Variants in CDC123 observed in about 807,000 individuals in gnomAD.
The protein encoded by CDC123 is cell division cycle 123.
In CDC123, 37 loss-of-function variants were observed where a neutral mutation model predicts 54.4. The observed-to-expected ratio is 0.68, with a 90% confidence interval of 0.52 to 0.89. CDC123 has a LOEUF of 0.89. CDC123 is among the 40% of genes least tolerant of loss of function. The probability of loss-of-function intolerance (pLI) is 0.00; values close to 1 mark genes in which losing one functional copy is unlikely to be tolerated. For synonymous variants in CDC123, 144 were observed against 136.8 expected, an observed-to-expected ratio of 1.05 and a Z score of -0.37; for missense variants, 361 against 412.1, an observed-to-expected ratio of 0.88 and a Z score of 1.07.
chr10:12,225,870 A>G (rs1370736898), intron 6 of CDC123, among the ~76,000 whole-genome samples: 1 of 150,634 alleles, frequency 6.6e-6, no homozygotes, highest in Admixed American at 6.6e-5. Context: ...AAACATGTGA[A>G]CAAGGGTCTC....
intron 10 of CDC123, among the ~76,000 whole-genome samples, chr10:12,243,818 T>C (rs1315211271): frequency 1.3e-5 from 2 of 151,614 alleles, no homozygotes; most frequent in African/African-American, 4.8e-5. Flanking sequence ...GTAGAAAAGA[T>C]TTGGAGGTTA....
In CDC123 at chr10:12,235,124, G is replaced by A. The variant is rs1304147256; in HGVS notation, c.565+1G>A. The A allele has an allele frequency of 1.2e-6, 2 of 1,609,700 alleles. No individual in the cohort carries two copies. The highest frequency in any genetic ancestry group is 1.4e-5 in the African/African-American group (1 of 73,488). On this transcript the variant is annotated splice_donor_variant, in intron 8 of 12. Coordinates refer to ENST00000281141, the MANE Select transcript of CDC123 (RefSeq NM_006023.3). LOFTEE classifies it high-confidence loss of function. ...TTTGTCAAGGAAAACAAGCTTATTG[G>A]TGAGTTTTTGTTTGTTTGTTTGTTT...
intron 10 of CDC123, among the ~76,000 whole-genome samples, chr10:12,241,702 CTTTT>C (rs1278793361): frequency 1.3e-5 from 2 of 151,888 alleles, no homozygotes; most frequent in Non-Finnish European, 2.9e-5. Flanking sequence ...TTTGTTTGTT[CTTTT>C]GTTTGTGAGA....
chr10:12,211,649 G>A (rs1024000621), intron 4 of CDC123, among the ~76,000 whole-genome samples: 3 of 152,208 alleles, frequency 2.0e-5, no homozygotes, highest in African/African-American at 7.2e-5. Context: ...ACCATTAGGG[G>A]TTTGTAAACC....
intron 10 of CDC123, among the ~76,000 whole-genome samples, chr10:12,239,581 G>T (rs1003564248): frequency 6.6e-6 from 1 of 152,008 alleles, no homozygotes; most frequent in Admixed American, 6.6e-5. Flanking sequence ...GCATGGTGGC[G>T]CATGCCACCT....
intron 6 of CDC123, among the ~76,000 whole-genome samples, chr10:12,229,213 A>G (rs1835867454): frequency 6.6e-6 from 1 of 152,230 alleles, no homozygotes. Context: ...ATAGTGATAT[A>G]GATGCGTTTT....
chr10:12,237,281 A>G lies in CDC123; in HGVS notation c.688+15A>G. The G allele has an allele frequency of 6.5e-7, 1 of 1,530,468 alleles. No homozygotes were observed. Among genetic ancestry groups the G allele is most frequent in the Non-Finnish European group, 8.7e-7 (1 of 1,144,572 alleles). The allele number at this position is 1,530,468 out of a possible 1,614,324, so 94.8% of individuals were successfully genotyped here. A position where few individuals can be genotyped will look rare whatever the true frequency, so the allele number is the denominator to read the frequency against. On this transcript the variant is annotated intron_variant, in intron 9 of 12. Coordinates refer to ENST00000281141, the MANE Select transcript of CDC123 (RefSeq NM_006023.3). ...AGATGAAGACTGTGAGTATTTTTTT[A>G]TTGATCCAGTAAAATGAAATGAAAT...
chr10:12,235,105 A>G lies in CDC123; in HGVS notation c.547A>G (p.Lys183Glu). 6.2e-7 allele frequency: 1 copy of G among 1,613,552 alleles called. No homozygotes were observed. The highest frequency in any genetic ancestry group is 8.5e-7 in the Non-Finnish European group (1 of 1,179,550). ...TGGGGCTGAGTTTCGATGTTTTGTC[A>G]AGGAAAACAAGCTTATTGGTGAGTT... ...IPGAEFRCFV[K>E]ENKLIGISQR... is the part of the protein sequence containing the mutation. Residue 183 changes from lysine to glutamate, a missense_variant, in exon 8 of 13, where the codon AAG becomes GAG. Lys to Glu is a moderately conservative substitution (Grantham distance 56). Coordinates refer to ENST00000281141, the MANE Select transcript of CDC123 (RefSeq NM_006023.3).
chr10:12,239,176 T>C (rs933770737), intron 10 of CDC123, among the ~76,000 whole-genome samples: 1 of 151,810 alleles, frequency 6.6e-6, no homozygotes, highest in African/African-American at 2.4e-5. Context: ...TTTTTTTTTT[T>C]CTCACATCAA....
chr10:12,209,201 T>C (rs1835562618), intron 2 of CDC123, among the ~76,000 whole-genome samples: 1 of 152,214 alleles, frequency 6.6e-6, no homozygotes. Flanking sequence ...AAAGGTTTTA[T>C]TCTGTCATCT....
At chr10:12,242,864 C>T (rs1836077937) in intron 10 of CDC123, among the ~76,000 whole-genome samples, 1 of 151,932 alleles carries the variant, frequency 6.6e-6, no homozygotes, top group African/African-American at 2.4e-5. Context: ...ACCACTTGAG[C>T]CCAGGAGGAG....
chr10:12,242,399 T>C (rs1262706736), intron 10 of CDC123, among the ~76,000 whole-genome samples: 1 of 152,212 alleles, frequency 6.6e-6, no homozygotes, highest in Non-Finnish European at 1.5e-5. Context: ...CATTGTTGGA[T>C]GGCTTTTGGT....
intron 11 of CDC123, chr10:12,246,496 T>G: frequency 2.3e-6 from 1 of 442,024 alleles, no homozygotes; most frequent in South Asian, 3.6e-5. Flanking sequence ...ATCAGTTTTT[T>G]TAGTTCTTTT....
intron 2 of CDC123, among the ~76,000 whole-genome samples, chr10:12,202,701 C>T (rs957675968): frequency 3.9e-5 from 6 of 152,204 alleles, no homozygotes; most frequent in Non-Finnish European, 7.3e-5. Flanking sequence ...ACATTTACTT[C>T]GGTTTACCGG....
chr10:12,204,671 C>T (rs1454102606), intron 2 of CDC123, among the ~76,000 whole-genome samples: 1 of 152,082 alleles, frequency 6.6e-6, no homozygotes, highest in African/African-American at 2.4e-5. Flanking sequence ...TTATTATTGA[C>T]TATAGTCACT....
rs779431973 is a variant in CDC123 at position 12,196,330 on chromosome 10, A to T, written c.74+11A>T. On this transcript the variant is annotated intron_variant, in intron 1 of 12. Coordinates refer to ENST00000281141, the MANE Select transcript of CDC123 (RefSeq NM_006023.3). Reference sequence around the variant, plus strand: ...CGTTACCATCAAGAGGTGAGATGGGAGGGGGTTCGCCCGGTCGACCGGCAA... The same window carrying T: ...CGTTACCATCAAGAGGTGAGATGGGTGGGGGTTCGCCCGGTCGACCGGCAA... 4 of 1,196,682 alleles carry T rather than the reference A, an allele frequency of 3.3e-6. No individual in the cohort carries two copies. In the Admixed American group the frequency reaches 6.1e-5, roughly 18 times the overall value. 74.1% of individuals were successfully genotyped at this position (1,196,682 alleles called of 1,614,324 possible). A position where few individuals can be genotyped will look rare whatever the true frequency, so the allele number is the denominator to read the frequency against.
At chr10:12,210,235 A>G (rs1835579351) in intron 3 of CDC123, 55 bp from the exon 4 acceptor site, 9 of 1,589,516 alleles carry the variant, frequency 5.7e-6, no homozygotes, top group Admixed American at 5.4e-5. Context: ...TGCTTTTTGA[A>G]GCCCAGTGCA....
At chr10:12,232,406 A>G (rs769890634) in intron 7 of CDC123, among the ~76,000 whole-genome samples, 14 of 152,074 alleles carry the variant, frequency 9.2e-5, no homozygotes, top group South Asian at 2.1e-4. Context: ...ACTTTTTTAT[A>G]TATGTACACA....
intron 6 of CDC123, among the ~76,000 whole-genome samples, chr10:12,226,012 C>T (rs1201638618): frequency 1.3e-5 from 2 of 151,984 alleles, no homozygotes; most frequent in African/African-American, 4.8e-5. Context: ...GCACATCTTG[C>T]ACCGCCCTTA....
Sources: gnomAD v4.1 joint callset for allele counts (sites outside exome capture counted in the v4.1 genomes callset) on GRCh38, gnomAD v4.1.1 for gene constraint, MANE v1.5 for transcripts, NCBI Gene and HGNC (gene_info 2026-07-23, HGNC 2026-07-21) for gene names.